The following MEFV variants were observed in gnomAD, a reference collection of about 807,000 sequenced individuals.
The protein encoded by MEFV is MEFV innate immunity regulator, pyrin.
Under a neutral mutation model 62.5 loss-of-function variants are expected in MEFV, and 60 were observed. The ratio of observed to expected loss-of-function variants is 0.96; its 90% CI spans 0.78 to 1.19. The LOEUF (loss-of-function observed/expected upper bound fraction) is 1.19, where lower values mean the gene tolerates loss of function less well. MEFV is among the 50% of genes most tolerant of loss of function. The pLI is 0.00. For missense variants in MEFV, 1,169 were observed against 1,004.5 expected (o/e 1.16, Z -2.21); for synonymous variants, 500 against 415.2 (o/e 1.20, Z -2.48).
intron 4 of MEFV, 179 bp from the exon 5 acceptor site, chr16:3,247,425 G>C: frequency 4.9e-6 from 3 of 609,970 alleles, no homozygotes; most frequent in Non-Finnish European, 8.7e-6. Context: ...AAAAGACTGA[G>C]CATGGCTGGG....
chr16:3,247,724 A>G (rs995878924), intron 4 of MEFV: 1 of 168,684 alleles, frequency 5.9e-6, no homozygotes, highest in Admixed American at 5.5e-5. Context: ...ACTTGAGATC[A>G]GGAGTTCGAG....
chr16:3,245,288 CAAG>C (rs1432319788), intron 6 of MEFV, among the ~76,000 whole-genome samples: 3 of 122,460 alleles, frequency 2.4e-5, no homozygotes, highest in Non-Finnish European at 5.0e-5. Flanking sequence ...GACCTTGTCT[CAAG>C]AAGAAAAGAA....
intron 9 of MEFV, 28 bp downstream of exon 9, chr16:3,243,832 G>C: frequency 2.5e-6 from 4 of 1,612,392 alleles, no homozygotes; most frequent in Non-Finnish European, 3.4e-6. Flanking sequence ...AGCAGGCCAG[G>C]GCCACTTGCC....
At chr16:3,250,753 C>A (rs1041897841) in intron 2 of MEFV, among the ~76,000 whole-genome samples, 3 of 151,026 alleles carry the variant, frequency 2.0e-5, no homozygotes, top group Non-Finnish European at 2.9e-5. Context: ...AGGCCGAGCG[C>A]AGTGGCTCAC....
chr16:3,245,316 A>G (rs1188150654), intron 6 of MEFV, among the ~76,000 whole-genome samples: 2 of 151,414 alleles, frequency 1.3e-5, no homozygotes, highest in East Asian at 1.9e-4. Flanking sequence ...AGGAAGGAAG[A>G]AAGGAAGGAA....
At position 3,249,578 on chromosome 16, in the gene MEFV, G is replaced by T. The variant is rs2141671776; in HGVS notation, c.1113C>A (p.Pro371=). 6.2e-7 allele frequency: 1 copy of T among 1,614,226 alleles called. No homozygotes were observed. The highest frequency in any genetic ancestry group is 8.5e-7 in the Non-Finnish European group (1 of 1,180,040). ...TCAGGTGGCGCTTACACTGTGGCAG[G>T]GGCTGGGGGCTTAGGCTTCCCGGGC... ...RKSPGSLSPQ[P]LPQCKRHLKQ... is the part of the protein sequence containing the mutation. Residue 371 remains proline (P), a synonymous_variant, in exon 3 of 10, where the codon CCC becomes CCA. Transcript: ENST00000219596.
intron 1 of MEFV, 100 bp downstream of exon 1, chr16:3,256,211 A>G: frequency 7.1e-7 from 1 of 1,412,424 alleles, no homozygotes; most frequent in Non-Finnish European, 9.8e-7. Flanking sequence ...GAGACTCCCA[A>G]TCCCCAGGTC....
rs552397581 is a variant in MEFV at position 3,249,615 on chromosome 16, T to C, written c.1076A>G (p.His359Arg). 1 of 1,614,088 alleles carries C rather than the reference T, an allele frequency of 6.2e-7. No individual in the cohort carries two copies. The highest frequency in any genetic ancestry group is 1.3e-5 in the African/African-American group (1 of 75,050). The change falls in exon 3 of 10, where the codon CAT becomes CGT. Residue 359 changes from histidine (H) to arginine (R), a missense_variant. His to Arg is a conservative substitution (Grantham distance 29). Transcript: ENST00000219596. ...TAGGCTTCCCGGGCTCTTCCTTTCA[T>C]GGGAGTCCTGGCACCGGGGGCAGCC... ...SPGCPRCQDS[H>R]ERKSPGSLSP...
chr16:3,253,358 A>G (rs528521312), intron 2 of MEFV, among the ~76,000 whole-genome samples: 1 of 152,136 alleles, frequency 6.6e-6, no homozygotes, highest in East Asian at 1.9e-4. Flanking sequence ...GGGCCTGCTT[A>G]CCTATCTCCC....
Position 3,249,018 on chromosome 16 carries a change from A to T in MEFV, c.1261-14T>A, listed in dbSNP as rs754322350. Reference sequence around the variant, plus strand: ...CTGAATTTTCTTCTGGAAAAACAGCACTTGTTGAAAAGCTTGAATTTGGCT... The same window carrying T: ...CTGAATTTTCTTCTGGAAAAACAGCTCTTGTTGAAAAGCTTGAATTTGGCT... On this transcript the variant is annotated splice_polypyrimidine_tract_variant and intron_variant, in intron 3 of 9. Transcript: ENST00000219596. 6.2e-7 allele frequency: 1 copy of T among 1,613,528 alleles called. No individual in the cohort carries two copies. The highest frequency in any genetic ancestry group is 8.5e-7 in the Non-Finnish European group (1 of 1,179,658).
intron 8 of MEFV, 91 bp from the exon 9 acceptor site, chr16:3,243,983 G>T: frequency 6.3e-7 from 1 of 1,579,132 alleles, no homozygotes; most frequent in Non-Finnish European, 8.6e-7. Context: ...GGAAAGACAA[G>T]GAACCCCCTG....
In MEFV at chr16:3,243,377, C is replaced by T. The variant is rs104895096; in HGVS notation, c.2110G>A (p.Val704Ile). The T allele has an allele frequency of 1.3e-5, 21 of 1,614,128 alleles. No individual in the cohort carries two copies. The highest frequency in any genetic ancestry group is 2.2e-5 in the East Asian group (1 of 44,880). The change falls in exon 10 of 10, where the codon GTT (valine) becomes ATT (isoleucine). Residue 704 changes from valine (V) to isoleucine (I), a missense_variant. Transcript: ENST00000219596. ...TTTATTAGCAGGCGGGTCGGGGGAA[C>T]GCTGGACGCCTGGTACTCATTTTCC... ...MKENEYQASS[V>I]PPTRLLIKEP...
intron 8 of MEFV, 86 bp from the exon 9 acceptor site, chr16:3,243,978 G>T: frequency 6.3e-7 from 1 of 1,585,302 alleles, no homozygotes; most frequent in Non-Finnish European, 8.6e-7. Context: ...AACAAGGAAA[G>T]ACAAGGAACC....
Position 3,243,466 on chromosome 16 carries a change from A to G in MEFV, c.2021T>C (p.Ile674Thr), listed in dbSNP as rs1297006669. 6.2e-7 allele frequency: 1 copy of G among 1,613,890 alleles called. No individual in the cohort carries two copies. Among genetic ancestry groups the G allele is most frequent in the Non-Finnish European group, 8.5e-7 (1 of 1,180,014 alleles). Residue 674 changes from isoleucine to threonine, a missense_variant, in exon 10 of 10, where the codon ATA (isoleucine) becomes ACA (threonine). By Grantham distance (89) the Ile-to-Thr change is moderately conservative (BLOSUM62 -1). Transcript: ENST00000219596. ...AWILGACKTS[I>T]SRKGNMTLSP... ...CAGAGTCATGTTCCCTTTCCTGCTT[A>G]TGGATGTCTTGCAGGCTCCCAGGAT...
chr16:3,245,714 T>C (rs224203), intron 6 of MEFV, among the ~76,000 whole-genome samples: 90,376 of 151,944 alleles, frequency 0.59, 27,248 homozygotes, highest in South Asian at 0.73. Context: ...AGCCCCTGTG[T>C]GCTGCTGGTG....
chr16:3,246,400 A>AGG, intron 6 of MEFV, 125 bp downstream of exon 6: 1 of 1,081,514 alleles, frequency 9.2e-7, no homozygotes. Flanking sequence ...TGCAGAAAAA[A>AGG]GGAGGAGTCT....
At position 3,243,189 on chromosome 16, in the gene MEFV, G is replaced by T. The variant is rs1454572564; in HGVS notation, c.2298C>A (p.Asn766Lys). Residue 766 changes from asparagine to lysine, a missense_variant, in exon 10 of 10, where the codon AAC (asparagine) becomes AAA (lysine). Asn to Lys is a moderately conservative substitution (Grantham distance 94). Coordinates refer to ENST00000219596, the MANE Select transcript of MEFV (RefSeq NM_000243.3). ...CTGGACAGATAGTCAGAGGAGCTGT[G>T]TTCTTCCCTCCATCACGTGTCCCAG... Reference protein sequence around the residue: ...FSPGTRDGGKNTAPLTICPVG... With the variant: ...FSPGTRDGGKKTAPLTICPVG... 2.5e-6 allele frequency: 4 copies of T among 1,613,966 alleles called. No individual in the cohort carries two copies. The East Asian group carries it at 6.7e-5, about 27-fold the overall frequency.
intron 6 of MEFV, among the ~76,000 whole-genome samples, chr16:3,245,711 G>A (rs530528543): frequency 6.6e-6 from 1 of 152,234 alleles, no homozygotes; most frequent in Non-Finnish European, 1.5e-5. Flanking sequence ...TGGAGCCCCT[G>A]TGTGCTGCTG....
intron 2 of MEFV, among the ~76,000 whole-genome samples, chr16:3,251,007 A>C (rs1248762734): frequency 6.8e-6 from 1 of 146,090 alleles, no homozygotes; most frequent in Non-Finnish European, 1.5e-5. Context: ...CTGGGTGACC[A>C]AGAGAGACTC....
Sources: gnomAD v4.1 joint callset for allele counts (sites outside exome capture counted in the v4.1 genomes callset) on GRCh38, gnomAD v4.1.1 for gene constraint, MANE v1.5 for transcripts, NCBI Gene and HGNC (gene_info 2026-07-23, HGNC 2026-07-21) for gene names.